Variants in CASR observed in about 807,000 individuals in gnomAD.
CASR encodes calcium sensing receptor, also known as extracellular calcium-sensing receptor.
A neutral mutation model predicts 69.1 loss-of-function variants in CASR; 23 were observed. That is an observed-to-expected ratio of 0.33 (90% CI 0.24 to 0.47). The LOEUF (loss-of-function observed/expected upper bound fraction) is 0.47, where lower values mean the gene tolerates loss of function less well. Among genes scored for constraint, CASR ranks in the 20% least tolerant of loss-of-function variants. The probability of loss-of-function intolerance (pLI) is 1.00; values close to 1 mark genes in which losing one functional copy is unlikely to be tolerated. For synonymous variants in CASR, 541 were observed against 544.7 expected (o/e 0.99, Z 0.10); for missense variants, 924 against 1,356.1 (o/e 0.68, Z 5.00).
At chr3:122,215,421 T>A (rs2074108379) in intron 1 of CASR, among the ~76,000 whole-genome samples, 1 of 152,228 alleles carries the variant, frequency 6.6e-6, no homozygotes, top group Non-Finnish European at 1.5e-5. Context: ...TTAGCTACTG[T>A]AAATATTTTG....
In CASR at chr3:122,284,256, G is replaced by T; in HGVS notation, c.2302G>T (p.Gly768Cys). ...DEIIFITCHE[G>C]SLMALGFLIG... is the part of the protein sequence containing the mutation. ...GATCATCTTCATCACGTGCCACGAG[G>T]GCTCCCTCATGGCCCTGGGCTTCCT... The change falls in exon 7 of 7, where the codon GGC becomes TGC. Residue 768 changes from glycine to cysteine, a missense_variant. Physicochemically the swap from Gly to Cys is radical, Grantham distance 159. Around this residue, in one of 8 missense-constraint regions of CASR, gnomAD observed 184 missense variants for 278.8 expected, o/e 0.66. Transcript: ENST00000639785. The T allele has an allele frequency of 6.2e-7, 1 of 1,614,108 alleles. No individual in the cohort carries two copies. Among genetic ancestry groups the T allele is most frequent in the East Asian group, 2.2e-5 (1 of 44,874 alleles).
intron 2 of CASR, among the ~76,000 whole-genome samples, chr3:122,256,873 G>A (rs2074559932): frequency 6.6e-6 from 1 of 152,128 alleles, no homozygotes; most frequent in Non-Finnish European, 1.5e-5. Flanking sequence ...CACCCGCCTC[G>A]GCCTCCCGAA....
intron 1 of CASR, among the ~76,000 whole-genome samples, chr3:122,187,848 TAGC>T (rs2073802160): frequency 6.6e-6 from 1 of 152,170 alleles, no homozygotes; most frequent in East Asian, 1.9e-4. Flanking sequence ...GTAGGGAGGC[TAGC>T]AAAGTGGCTA....
chr3:122,231,993 A>T (rs1472104327), intron 1 of CASR, among the ~76,000 whole-genome samples: 1 of 152,158 alleles, frequency 6.6e-6, no homozygotes, highest in African/African-American at 2.4e-5. Flanking sequence ...ATGTCCAGAT[A>T]GCCATCGCAG....
At chr3:122,222,963 A>G (rs1353842329) in intron 1 of CASR, among the ~76,000 whole-genome samples, 2 of 152,218 alleles carry the variant, frequency 1.3e-5, no homozygotes, top group African/African-American at 4.8e-5. Flanking sequence ...CTGCTCCTGA[A>G]TGACTTTTGA....
chr3:122,239,523 G>T (rs1362358417), intron 1 of CASR, among the ~76,000 whole-genome samples: 1 of 152,236 alleles, frequency 6.6e-6, no homozygotes, highest in Non-Finnish European at 1.5e-5. Context: ...AAGCCTGGTT[G>T]GCTTCTTCAC....
chr3:122,223,406 G>A (rs772228987), intron 1 of CASR, among the ~76,000 whole-genome samples: 13 of 152,124 alleles, frequency 8.5e-5, no homozygotes, highest in South Asian at 2.1e-4. Flanking sequence ...AATCCTTAGC[G>A]AATATTATCA....
chr3:122,264,186 G>A (rs2074660684), intron 4 of CASR, among the ~76,000 whole-genome samples: 1 of 151,232 alleles, frequency 6.6e-6, no homozygotes, highest in Non-Finnish European at 1.5e-5. Context: ...TAACCAAATT[G>A]GCATAAACAA....
intron 1 of CASR, among the ~76,000 whole-genome samples, chr3:122,253,311 G>A (rs1380532193): frequency 2.2e-4 from 33 of 152,200 alleles, no homozygotes; most frequent in Admixed American, 2.1e-3. Flanking sequence ...GCACGATCTC[G>A]GCTCACTGCA....
At chr3:122,239,408 T>A (rs1374376199) in intron 1 of CASR, among the ~76,000 whole-genome samples, 3 of 152,210 alleles carry the variant, frequency 2.0e-5, no homozygotes, top group African/African-American at 7.2e-5. Context: ...TAGAATAGAA[T>A]GCCAGGTAGA....
intron 2 of CASR, among the ~76,000 whole-genome samples, chr3:122,256,599 T>C (rs1300763040): frequency 6.6e-6 from 1 of 152,182 alleles, no homozygotes; most frequent in Admixed American, 6.5e-5. Flanking sequence ...GAGGCAAGTG[T>C]CATCCTCCTT....
rs200730858 is a variant in CASR at position 122,285,260 on chromosome 3, G to A, written c.*69G>A. 6 of 1,377,098 alleles carry A rather than the reference G, an allele frequency of 4.4e-6. No individual in the cohort carries two copies. Among genetic ancestry groups the A allele is most frequent in the African/African-American group, 2.8e-5 (2 of 70,376 alleles). 85.3% of individuals were successfully genotyped at this position (1,377,098 alleles called of 1,614,324 possible). On this transcript the variant is annotated 3_prime_UTR_variant, in exon 7 of 7. Coordinates refer to ENST00000639785, the MANE Select transcript of CASR (RefSeq NM_000388.4). ...CTTGGGGTCCCAGGGAAGAGGAATC[G>A]CCCCAGACTCCTTTCCTCTGAGGAA...
At chr3:122,264,635 G>C (rs1264398822) in intron 4 of CASR, among the ~76,000 whole-genome samples, 1 of 152,186 alleles carries the variant, frequency 6.6e-6, no homozygotes, top group Non-Finnish European at 1.5e-5. Flanking sequence ...CTCCCCAGGA[G>C]ACAGCACAGA....
At chr3:122,223,334 C>T (rs1325116169) in intron 1 of CASR, among the ~76,000 whole-genome samples, 1 of 152,058 alleles carries the variant, frequency 6.6e-6, no homozygotes, top group Non-Finnish European at 1.5e-5. Flanking sequence ...AGAGAAGATC[C>T]AAATAAACAC....
chr3:122,238,210 A>G (rs2074347519), intron 1 of CASR, among the ~76,000 whole-genome samples: 1 of 152,330 alleles, frequency 6.6e-6, no homozygotes, highest in Admixed American at 6.5e-5. Context: ...TCCCCCCAGC[A>G]GTGGCCGTGT....
At chr3:122,266,452 CAG>C in intron 4 of CASR, among the ~76,000 whole-genome samples, 1 of 151,674 alleles carries the variant, frequency 6.6e-6, no homozygotes, top group East Asian at 2.0e-4. Flanking sequence ...TTTTTTGAGG[CAG>C]AGTCTTGCTC....
chr3:122,245,648 G>A (rs79894347), intron 1 of CASR, among the ~76,000 whole-genome samples: 2 of 151,844 alleles, frequency 1.3e-5, no homozygotes, highest in African/African-American at 4.8e-5. Context: ...AAAAAAAAAA[G>A]AGGCACAAGA....
chr3:122,284,228 T>C lies in CASR; in HGVS notation c.2274T>C (p.Asp758=). The C allele has an allele frequency of 6.2e-7, 1 of 1,611,436 alleles. No homozygotes were observed. The highest frequency in any genetic ancestry group is 8.5e-7 in the Non-Finnish European group (1 of 1,177,656). The change falls in exon 7 of 7, where the codon GAT becomes GAC. Residue 758 remains aspartate, a synonymous_variant. Coordinates refer to ENST00000639785, the MANE Select transcript of CASR (RefSeq NM_000388.4). ...GCTACCGCAACCAGGAGCTGGAGGA[T>C]GAGATCATCTTCATCACGTGCCACG... ...PSSYRNQELE[D]EIIFITCHEG...
chr3:122,275,922 C>T lies in CASR; in HGVS notation c.1488C>T (p.Leu496=). ...ACTATTCCATCATCAACTGGCACCT[C>T]TCCCCAGAGGATGGCTCCATCGTGT... ...VGNYSIINWH[L]SPEDGSIVFK... Residue 496 remains leucine (L), a synonymous_variant, in exon 5 of 7, where the codon CTC becomes CTT. Transcript: ENST00000639785. 1 of 1,613,898 alleles carries T rather than the reference C, an allele frequency of 6.2e-7. No homozygotes were observed. Among genetic ancestry groups the T allele is most frequent in the Non-Finnish European group, 8.5e-7 (1 of 1,179,754 alleles).
Sources: allele counts gnomAD v4.1 joint callset (sites outside exome capture counted in the v4.1 genomes callset), GRCh38; gene constraint gnomAD v4.1.1; regional missense constraint gnomAD v4.1.1; transcripts MANE v1.5; gene names NCBI Gene and HGNC (gene_info 2026-07-23, HGNC 2026-07-21).